Variants in KCNIP4 observed in about 807,000 individuals in gnomAD.
KCNIP4 encodes the protein potassium voltage-gated channel interacting protein 4.
KCNIP4 carries 12 observed loss-of-function variants against 34.0 expected under a neutral mutation model. The observed-to-expected ratio is 0.35, with a 90% confidence interval of 0.23 to 0.57. KCNIP4 has a LOEUF of 0.57. Among genes scored for constraint, KCNIP4 ranks in the 20% least tolerant of loss-of-function variants. KCNIP4 has a pLI of 0.83. For missense variants in KCNIP4, 238 were observed against 311.7 expected, an observed-to-expected ratio of 0.76 and a Z score of 1.78; for synonymous variants, 124 against 102.2, an observed-to-expected ratio of 1.21 and a Z score of -1.29.
intron 1 of KCNIP4, among the ~76,000 whole-genome samples, chr4:21,478,706 G>C (rs1044485412): frequency 2.0e-5 from 3 of 152,126 alleles, no homozygotes; most frequent in African/African-American, 7.2e-5. Context: ...GCAAGACGGG[G>C]AATGCACTAA....
chr4:21,608,614 T>G lies in KCNIP4; in HGVS notation c.61+339957A>C, dbSNP rs567540432. Among the ~76,000 whole-genome samples, 34 of 152,284 alleles carry G rather than the reference T, an allele frequency of 2.2e-4. No homozygotes were observed. In the East Asian group the frequency reaches 6.6e-3, roughly 29 times the overall value. ...CCAGGATAATCTCCCCATATCGAGG[T>G]CCATAGCCTTTATCACATCTGCCAG... On this transcript the variant is annotated intron_variant, in intron 1 of 8. Transcript: ENST00000382152.
chr4:20,968,471 T>C (rs1212802119), intron 1 of KCNIP4, among the ~76,000 whole-genome samples: 3 of 152,110 alleles, frequency 2.0e-5, no homozygotes, highest in Non-Finnish European at 4.4e-5. Flanking sequence ...TAAAGACACA[T>C]GCACACATAT....
intron 1 of KCNIP4, among the ~76,000 whole-genome samples, chr4:21,296,735 T>C (rs1273774226): frequency 6.6e-6 from 1 of 151,910 alleles, no homozygotes; most frequent in Non-Finnish European, 1.5e-5. Flanking sequence ...CACACACTTG[T>C]TATAATTCCA....
chr4:21,339,799 G>T (rs1716563952), intron 1 of KCNIP4, among the ~76,000 whole-genome samples: 1 of 152,182 alleles, frequency 6.6e-6, no homozygotes. Flanking sequence ...TGTTGAGTTT[G>T]ACATCCCAAT....
At chr4:21,873,552 G>A (rs1725928558) in intron 1 of KCNIP4, among the ~76,000 whole-genome samples, 1 of 152,180 alleles carries the variant, frequency 6.6e-6, no homozygotes, top group South Asian at 2.1e-4. Flanking sequence ...CTGAGAAAAT[G>A]TTTGGTCAAT....
At chr4:21,298,577 C>G (rs894108186) in intron 1 of KCNIP4, among the ~76,000 whole-genome samples, 1 of 152,048 alleles carries the variant, frequency 6.6e-6, no homozygotes, top group Non-Finnish European at 1.5e-5. Flanking sequence ...ATTTGTCTCC[C>G]AAAGCAAAAC....
At chr4:20,830,478 T>G (rs865851742) in intron 3 of KCNIP4, among the ~76,000 whole-genome samples, 23 of 152,290 alleles carry the variant, frequency 1.5e-4, no homozygotes, top group Middle Eastern at 3.4e-3. Context: ...ATGGGAATCC[T>G]AGATTCTGCA....
rs527978058 is a variant in KCNIP4 at position 21,094,626 on chromosome 4, G to C, written c.62-211917C>G. On this transcript the variant is annotated intron_variant, in intron 1 of 8. Transcript: ENST00000382152. Reference sequence around the variant, plus strand: ...GGGAGGGGGTCTCACATTGACTTGTGTAACCAATATGTTACTGCAGAAATG... The same window carrying C: ...GGGAGGGGGTCTCACATTGACTTGTCTAACCAATATGTTACTGCAGAAATG... Among the ~76,000 whole-genome samples the C allele has an allele frequency of 1.4e-3, 218 of 152,264 alleles. 1 individual carries two copies. Among genetic ancestry groups the C allele is most frequent in the African/African-American group, 5.0e-3 (207 of 41,560 alleles).
At chr4:20,794,271 G>A (rs1033042970) in intron 3 of KCNIP4, among the ~76,000 whole-genome samples, 2 of 152,134 alleles carry the variant, frequency 1.3e-5, no homozygotes, top group Non-Finnish European at 2.9e-5. Context: ...ATCTAATGCT[G>A]CTGCTGATTT....
At chr4:21,139,520 G>A (rs1751770700) in intron 1 of KCNIP4, among the ~76,000 whole-genome samples, 2 of 152,114 alleles carry the variant, frequency 1.3e-5, no homozygotes, top group African/African-American at 4.8e-5. Flanking sequence ...ACCCCCTGTG[G>A]CCAGCTCCTC....
chr4:21,911,117 C>T (rs1351122008), intron 1 of KCNIP4, among the ~76,000 whole-genome samples: 1 of 151,984 alleles, frequency 6.6e-6, no homozygotes, highest in East Asian at 1.9e-4. Flanking sequence ...ATTTTGGCAA[C>T]TTTAGAACCT....
chr4:20,783,599 T>C (rs1711536134), intron 3 of KCNIP4, among the ~76,000 whole-genome samples: 1 of 152,134 alleles, frequency 6.6e-6, no homozygotes, highest in Admixed American at 6.5e-5. Flanking sequence ...TTATTTAAAT[T>C]AGCTCCCACT....
chr4:21,801,778 GA>G (rs757656524), intron 1 of KCNIP4, among the ~76,000 whole-genome samples: 54 of 151,908 alleles, frequency 3.6e-4, no homozygotes, highest in Non-Finnish European at 7.2e-4. Context: ...CTGGCTAACT[GA>G]AGGATTTTTA....
chr4:20,889,780 A>AC (rs1208596218), intron 1 of KCNIP4, among the ~76,000 whole-genome samples: 3 of 151,596 alleles, frequency 2.0e-5, no homozygotes, highest in South Asian at 2.1e-4. Flanking sequence ...AAAAAAAAAA[A>AC]AACAAAATTA....
intron 1 of KCNIP4, among the ~76,000 whole-genome samples, chr4:21,480,479 A>G (rs1345539414): frequency 6.6e-6 from 1 of 152,168 alleles, no homozygotes; most frequent in African/African-American, 2.4e-5. Context: ...CATACTTTAT[A>G]ATGATGATTC....
At chr4:21,681,894 A>AT (rs140900844) in intron 1 of KCNIP4, among the ~76,000 whole-genome samples, 13,848 of 148,772 alleles carry the variant, frequency 0.093, 1,202 homozygotes, top group African/African-American at 0.23. Flanking sequence ...ATTTTTATTT[A>AT]TTTATTTTTT....
intron 1 of KCNIP4, among the ~76,000 whole-genome samples, chr4:21,251,205 C>T (rs978701285): frequency 6.6e-6 from 1 of 152,046 alleles, no homozygotes; most frequent in Non-Finnish European, 1.5e-5. Flanking sequence ...AGCTATCCAA[C>T]AAATCTATCT....
At chr4:21,230,991 C>T (rs979190595) in intron 1 of KCNIP4, among the ~76,000 whole-genome samples, 3 of 152,082 alleles carry the variant, frequency 2.0e-5, no homozygotes, top group Non-Finnish European at 2.9e-5. Flanking sequence ...AGTGTAAAAG[C>T]GTTCCTATTG....
chr4:21,192,915 TCTACTACTACTA>T (rs576122943), intron 1 of KCNIP4, among the ~76,000 whole-genome samples: 22 of 94,304 alleles, frequency 2.3e-4, no homozygotes, highest in Non-Finnish European at 3.2e-4. Flanking sequence ...CCGCCCCGTC[TCTACTACTACTA>T]CTACTACTAC....
Sources: gnomAD v4.1 joint callset for allele counts (sites outside exome capture counted in the v4.1 genomes callset) on GRCh38, gnomAD v4.1.1 for gene constraint, MANE v1.5 for transcripts, NCBI Gene and HGNC (gene_info 2026-07-23, HGNC 2026-07-21) for gene names.